Variants in MACROD1 observed in about 807,000 individuals in gnomAD.
MACROD1 encodes ADP-ribose glycohydrolase MACROD1.
A neutral mutation model predicts 41.4 loss-of-function variants in MACROD1; 31 were observed. The observed-to-expected ratio is 0.75, with a 90% confidence interval of 0.56 to 1.01. MACROD1 has a LOEUF of 1.01. MACROD1 is among the 50% of genes least tolerant of loss of function. The pLI is 0.00. For missense variants in MACROD1, 473 were observed against 460.0 expected (o/e 1.03, Z -0.26); for synonymous variants, 252 against 203.4 (o/e 1.24, Z -2.03).
intron 3 of MACROD1, among the ~76,000 whole-genome samples, chr11:64,140,637 T>C (rs182994998): frequency 1.6e-4 from 25 of 152,374 alleles, no homozygotes; most frequent in Admixed American, 1.4e-3. Flanking sequence ...GCGCTCACTC[T>C]GTGCCAGACA....
At chr11:64,143,240 G>A (rs1482537752) in intron 3 of MACROD1, among the ~76,000 whole-genome samples, 1 of 152,108 alleles carries the variant, frequency 6.6e-6, no homozygotes, top group Non-Finnish European at 1.5e-5. Flanking sequence ...AAACCTGATG[G>A]TCTCTCTCTT....
chr11:64,059,075 G>C (rs538028497), intron 3 of MACROD1, among the ~76,000 whole-genome samples: 1 of 152,344 alleles, frequency 6.6e-6, no homozygotes, highest in East Asian at 1.9e-4. Context: ...TGCACTGGGG[G>C]AAACTGAGGC....
intron 1 of MACROD1, among the ~76,000 whole-genome samples, chr11:64,155,235 A>T (rs1159211249): frequency 3.3e-5 from 5 of 152,240 alleles, no homozygotes; most frequent in African/African-American, 1.2e-4. Flanking sequence ...GCCCAGAGGT[A>T]AGAGGGAGCC....
intron 3 of MACROD1, among the ~76,000 whole-genome samples, chr11:64,021,546 C>T (rs193089590): frequency 1.8e-3 from 269 of 152,276 alleles, no homozygotes; most frequent in Non-Finnish European, 2.9e-3. Context: ...GACTTTGAGG[C>T]GGGCACAGCC....
At chr11:64,027,582 A>C (rs565591926) in intron 3 of MACROD1, among the ~76,000 whole-genome samples, 1 of 152,136 alleles carries the variant, frequency 6.6e-6, no homozygotes, top group East Asian at 1.9e-4. Flanking sequence ...CCTCCTGCCC[A>C]TGGGGGCTTC....
At chr11:64,023,374 T>C (rs1218837703) in intron 3 of MACROD1, among the ~76,000 whole-genome samples, 6 of 152,050 alleles carry the variant, frequency 3.9e-5, no homozygotes, top group Non-Finnish European at 7.4e-5. Context: ...AGTTTCCTCA[T>C]CTGTAGGGGG....
intron 3 of MACROD1, among the ~76,000 whole-genome samples, chr11:64,123,208 C>T (rs900030694): frequency 2.0e-5 from 3 of 152,170 alleles, no homozygotes; most frequent in Admixed American, 1.3e-4. Context: ...CAGTGACGGG[C>T]GTCCGCGTGC....
chr11:64,147,643 G>A (rs1050173925), intron 3 of MACROD1, among the ~76,000 whole-genome samples: 1 of 151,346 alleles, frequency 6.6e-6, no homozygotes, highest in Non-Finnish European at 1.5e-5. Context: ...GGCTAGTCTC[G>A]AAACTCCTGA....
chr11:64,044,593 A>C (rs1943549607), intron 3 of MACROD1, among the ~76,000 whole-genome samples: 1 of 152,188 alleles, frequency 6.6e-6, no homozygotes, highest in African/African-American at 2.4e-5. Context: ...CCCCAGGGGT[A>C]AACTGAGGCA....
chr11:64,154,488 C>T (rs1945636606), intron 1 of MACROD1, among the ~76,000 whole-genome samples: 1 of 152,096 alleles, frequency 6.6e-6, no homozygotes, highest in Non-Finnish European at 1.5e-5. Context: ...ATCTCATCCC[C>T]ATCTGTTCCT....
chr11:64,054,424 A>G (rs1346561776), intron 3 of MACROD1, among the ~76,000 whole-genome samples: 6 of 152,150 alleles, frequency 3.9e-5, no homozygotes, highest in Admixed American at 3.9e-4. Context: ...CAAACACCGC[A>G]CTATAAATCC....
intron 3 of MACROD1, among the ~76,000 whole-genome samples, chr11:64,130,414 T>C (rs1945248714): frequency 6.6e-6 from 1 of 152,128 alleles, no homozygotes; most frequent in South Asian, 2.1e-4. Flanking sequence ...ACCACTGGGT[T>C]CTGGAAGCTT....
At chr11:64,093,319 C>T (rs1301255354) in intron 3 of MACROD1, among the ~76,000 whole-genome samples, 6 of 152,234 alleles carry the variant, frequency 3.9e-5, no homozygotes, top group Non-Finnish European at 8.8e-5. Flanking sequence ...GGTGTTGTCA[C>T]TGCTGCGGAC....
At chr11:64,065,626 A>G (rs35367131) in intron 3 of MACROD1, among the ~76,000 whole-genome samples, 57,183 of 130,272 alleles carry the variant, frequency 0.44, 12,886 homozygotes, top group Non-Finnish European at 0.59. Context: ...AGTCTCTACT[A>G]AAAAATACAA....
chr11:64,076,072 TG>T (rs1161756874), intron 3 of MACROD1, among the ~76,000 whole-genome samples: 1 of 152,204 alleles, frequency 6.6e-6, no homozygotes, highest in African/African-American at 2.4e-5. Context: ...AGCCTCCTGG[TG>T]GATCCAGCCT....
intron 4 of MACROD1, chr11:64,009,181 CG>C (rs1224196356): frequency 1.3e-5 from 2 of 152,224 alleles, no homozygotes; most frequent in South Asian, 4.2e-4. Flanking sequence ...AGGGCTCTGT[CG>C]ATTCCCATCC....
intron 4 of MACROD1, among the ~76,000 whole-genome samples, chr11:64,012,794 C>A (rs538096498): frequency 2.8e-4 from 43 of 152,278 alleles, no homozygotes; most frequent in African/African-American, 1.0e-3. Flanking sequence ...CCTTGGCCTC[C>A]CAAAGTGCTG....
At position 64,001,778 on chromosome 11, in the gene MACROD1, G is replaced by C. The variant is rs552154687; in HGVS notation, c.548-1435C>G. 4 of 701,648 alleles carry C rather than the reference G, an allele frequency of 5.7e-6. No individual in the cohort carries two copies. The South Asian group carries it at 5.9e-5, about 10-fold the overall frequency. The allele number at this position is 701,648 out of a possible 1,614,324, so 43.5% of individuals were successfully genotyped here. ...GGAGCAAGAAGGCAGGGCCCAGAGC[G>C]GGCGTCCAGGCTGGAGCTCCCAGTG... is the stretch of plus-strand genomic sequence containing the variant. On this transcript the variant is annotated intron_variant, in intron 4 of 10. Transcript: ENST00000255681.
intron 3 of MACROD1, among the ~76,000 whole-genome samples, chr11:64,099,941 G>T (rs1299889621): frequency 6.6e-6 from 1 of 152,142 alleles, no homozygotes; most frequent in Non-Finnish European, 1.5e-5. Flanking sequence ...GCACAAGAGA[G>T]CCTCAGGAGA....
Sources: allele counts gnomAD v4.1 joint callset (sites outside exome capture counted in the v4.1 genomes callset), GRCh38; gene constraint gnomAD v4.1.1; transcripts MANE v1.5; gene names NCBI Gene and HGNC (gene_info 2026-07-23, HGNC 2026-07-21).